PTBP2: variants seen among roughly 807,000 people sequenced by gnomAD.
PTBP2 encodes the protein polypyrimidine tract binding protein 2.
Under a neutral mutation model 61.4 loss-of-function variants are expected in PTBP2, and 13 were observed. The observed-to-expected ratio is 0.21, with a 90% confidence interval of 0.14 to 0.34. The LOEUF (loss-of-function observed/expected upper bound fraction) is 0.34, where lower values mean the gene tolerates loss of function less well. Among genes scored for constraint, PTBP2 ranks in the 10% least tolerant of loss-of-function variants. PTBP2 has a pLI of 1.00. For synonymous variants in PTBP2, 215 were observed against 218.5 expected (o/e 0.98, Z 0.14); for missense variants, 405 against 642.6 (o/e 0.63, Z 4.00).
chr1:96,744,755 A>C (rs1653520563), intron 2 of PTBP2, among the ~76,000 whole-genome samples: 1 of 152,136 alleles, frequency 6.6e-6, no homozygotes, highest in Admixed American at 6.5e-5. Context: ...TGATCATCTT[A>C]ATCTACCATT....
intron 9 of PTBP2, among the ~76,000 whole-genome samples, chr1:96,805,656 T>A (rs1661432952): frequency 6.6e-6 from 1 of 152,204 alleles, no homozygotes; most frequent in African/African-American, 2.4e-5. Context: ...CAGTTTATGA[T>A]GTCTAATTTG....
chr1:96,736,409 T>C (rs1652185135), intron 2 of PTBP2, among the ~76,000 whole-genome samples: 1 of 151,668 alleles, frequency 6.6e-6, no homozygotes. Context: ...TGTGAGAGAG[T>C]GGTAGAGACA....
chr1:96,744,557 A>G (rs61786389), intron 2 of PTBP2, among the ~76,000 whole-genome samples: 12,044 of 152,226 alleles, frequency 0.079, 612 homozygotes, highest in East Asian at 0.17. Context: ...CAAAACAACC[A>G]TAACTTAGGG....
intron 8 of PTBP2, among the ~76,000 whole-genome samples, chr1:96,798,754 G>A (rs1660649906): frequency 6.6e-6 from 1 of 152,182 alleles, no homozygotes. Context: ...TTGATTAATT[G>A]CAAGAACTAA....
chr1:96,807,186 G>A (rs994683665), intron 11 of PTBP2, among the ~76,000 whole-genome samples: 1 of 152,040 alleles, frequency 6.6e-6, no homozygotes, highest in East Asian at 1.9e-4. Flanking sequence ...AGAGATTTTA[G>A]CTTCAAAATT....
intron 3 of PTBP2, among the ~76,000 whole-genome samples, chr1:96,763,631 G>A (rs1056575655): frequency 1.5e-5 from 2 of 129,564 alleles, no homozygotes; most frequent in Non-Finnish European, 3.3e-5. Context: ...GGAGGGGGAG[G>A]GCTGTTCTGT....
intron 2 of PTBP2, among the ~76,000 whole-genome samples, chr1:96,726,436 C>G (rs1200825487): frequency 6.8e-6 from 1 of 147,906 alleles, no homozygotes; most frequent in African/African-American, 2.5e-5. Context: ...CCATGCCAGA[C>G]TAATTTTTTT....
At chr1:96,737,250 G>A (rs1393890250) in intron 2 of PTBP2, among the ~76,000 whole-genome samples, 1 of 152,166 alleles carries the variant, frequency 6.6e-6, no homozygotes, top group Non-Finnish European at 1.5e-5. Flanking sequence ...ACAGGCGTGA[G>A]CCACTGCGAC....
At chr1:96,752,244 A>G (rs1654641094) in intron 3 of PTBP2, among the ~76,000 whole-genome samples, 1 of 152,098 alleles carries the variant, frequency 6.6e-6, no homozygotes, top group Non-Finnish European at 1.5e-5. Flanking sequence ...TTATCAAATG[A>G]ATTTACCTCA....
intron 2 of PTBP2, among the ~76,000 whole-genome samples, chr1:96,747,144 A>T (rs1653949170): frequency 6.6e-6 from 1 of 151,318 alleles, no homozygotes. Flanking sequence ...TTCTTAATGT[A>T]TAGTTTTAAT....
intron 11 of PTBP2, 36 bp from the exon 12 acceptor site, chr1:96,812,676 A>T (rs2101269230): frequency 7.1e-7 from 1 of 1,414,786 alleles, no homozygotes; most frequent in African/African-American, 1.4e-5. Context: ...TTGAGCTTTG[A>T]TATTGTTTGT....
chr1:96,728,266 C>T lies in PTBP2; in HGVS notation c.39+4672C>T, dbSNP rs190925281. On this transcript the variant is annotated intron_variant, in intron 2 of 13. Coordinates refer to ENST00000674951, the MANE Select transcript of PTBP2 (RefSeq NM_021190.4). ...CCTTCCAAAGTGTTGGGATTAAAGG[C>T]ATGAGCCACTACACTTGGCCACCTT... Among the ~76,000 whole-genome samples the T allele has an allele frequency of 6.0e-4, 92 of 152,310 alleles. No homozygotes were observed. In the Middle Eastern group the frequency reaches 0.01, roughly 17 times the overall value.
intron 5 of PTBP2, among the ~76,000 whole-genome samples, chr1:96,772,368 C>A (rs1020902475): frequency 1.3e-5 from 2 of 152,148 alleles, no homozygotes; most frequent in African/African-American, 4.8e-5. Flanking sequence ...AACTCATTAG[C>A]ATACAAAATA....
chr1:96,784,581 AGGAT>A, intron 7 of PTBP2, among the ~76,000 whole-genome samples: 1 of 152,122 alleles, frequency 6.6e-6, no homozygotes, highest in Non-Finnish European at 1.5e-5. Context: ...ATTATGTGTT[AGGAT>A]AATTTGGTTT....
chr1:96,769,199 T>G (rs1488018471), intron 3 of PTBP2, among the ~76,000 whole-genome samples: 1 of 152,026 alleles, frequency 6.6e-6, no homozygotes, highest in Admixed American at 6.5e-5. Context: ...CTTTTGCTCC[T>G]AGGCAACAAA....
intron 8 of PTBP2, among the ~76,000 whole-genome samples, chr1:96,793,177 AT>A (rs1660026896): frequency 6.6e-6 from 1 of 152,204 alleles, no homozygotes; most frequent in Admixed American, 6.5e-5. Flanking sequence ...GAAGTAAAAA[AT>A]AGTTGGAGCA....
Position 96,741,723 on chromosome 1 carries a change from A to G in PTBP2, c.40-9702A>G, listed in dbSNP as rs192345046. Among the ~76,000 whole-genome samples the G allele has an allele frequency of 1.4e-4, 22 of 152,184 alleles. No homozygotes were observed. In the Middle Eastern group the frequency reaches 0.014, roughly 94 times the overall value. On this transcript the variant is annotated intron_variant, in intron 2 of 13. Transcript: ENST00000674951. ...GTATAGGCTTGTGTATTTTATTTTG[A>G]AAGTTTTAAAATTTTGATTTTCACA...
intron 3 of PTBP2, among the ~76,000 whole-genome samples, chr1:96,758,966 A>G (rs1655477538): frequency 6.6e-6 from 1 of 152,186 alleles, no homozygotes; most frequent in Non-Finnish European, 1.5e-5. Flanking sequence ...TATAGGATAC[A>G]AGTTCTATGT....
At chr1:96,817,614 CAT>C (rs1404041404), downstream of PTBP2, 1 of 152,096 alleles carries the variant, frequency 6.6e-6, no homozygotes, top group Non-Finnish European at 1.5e-5. Flanking sequence ...CACTACCTAA[CAT>C]ATTCCATATT....
Sources: allele counts gnomAD v4.1 joint callset (sites outside exome capture counted in the v4.1 genomes callset), GRCh38; gene constraint gnomAD v4.1.1; transcripts MANE v1.5; gene names NCBI Gene and HGNC (gene_info 2026-07-23, HGNC 2026-07-21).